Variants in LDLRAD3 observed in about 807,000 individuals in gnomAD.
LDLRAD3 encodes low density lipoprotein receptor class A domain containing 3.
LDLRAD3 carries 20 observed loss-of-function variants against 29.4 expected under a neutral mutation model. The observed-to-expected ratio is 0.68, with a 90% confidence interval of 0.48 to 0.99. The LOEUF is 0.99. Ranked by LOEUF, LDLRAD3 falls within the 50% of genes least tolerant of loss-of-function variation. The probability of loss-of-function intolerance (pLI) is 0.00; values close to 1 mark genes in which losing one functional copy is unlikely to be tolerated. For missense variants in LDLRAD3, 420 were observed against 454.3 expected, an observed-to-expected ratio of 0.92 and a Z score of 0.69; for synonymous variants, 157 against 192.7, an observed-to-expected ratio of 0.81 and a Z score of 1.53.
At chr11:36,031,712 GA>G (rs948120320) in intron 1 of LDLRAD3, among the ~76,000 whole-genome samples, 1 of 152,198 alleles carries the variant, frequency 6.6e-6, no homozygotes, top group African/African-American at 2.4e-5. Flanking sequence ...GAAAAACGGG[GA>G]CCAGCTTTAG....
chr11:36,038,971 C>CTT (rs67593168), intron 2 of LDLRAD3, among the ~76,000 whole-genome samples: 29,880 of 102,112 alleles, frequency 0.29, 3,361 homozygotes, highest in Middle Eastern at 0.41. Context: ...AAATTTCTTT[C>CTT]TTTTTTTTTT....
At chr11:36,113,012 T>C (rs968666353) in intron 4 of LDLRAD3, among the ~76,000 whole-genome samples, 1 of 152,150 alleles carries the variant, frequency 6.6e-6, no homozygotes, top group African/African-American at 2.4e-5. Flanking sequence ...AAGACCTACA[T>C]TGCATACCTC....
At chr11:36,006,680 T>C (rs1370849974) in intron 1 of LDLRAD3, among the ~76,000 whole-genome samples, 1 of 152,230 alleles carries the variant, frequency 6.6e-6, no homozygotes, top group East Asian at 1.9e-4. Flanking sequence ...TCTGTAAACT[T>C]AGCACTGGTT....
intron 2 of LDLRAD3, among the ~76,000 whole-genome samples, chr11:36,039,366 G>A (rs1157208158): frequency 6.6e-6 from 1 of 152,160 alleles, no homozygotes; most frequent in Non-Finnish European, 1.5e-5. Context: ...TTCCCCCTTA[G>A]GGGGCTGTGT....
In LDLRAD3 at chr11:36,007,977, A is replaced by G. The variant is rs11033374; in HGVS notation, c.47-28126A>G. The stretch of plus-strand genomic sequence containing the variant: ...CCCAACCCTTGTAGAAATCCCAGAC[A>G]CTCAGTTTACTCCACGTGACCTCTG... On this transcript the variant is annotated intron_variant, in intron 1 of 5. Coordinates refer to ENST00000315571, the MANE Select transcript of LDLRAD3 (RefSeq NM_174902.4). Among the ~76,000 whole-genome samples, 12 of 152,062 alleles carry G rather than the reference A, an allele frequency of 7.9e-5. No individual in the cohort carries two copies. The East Asian group carries it at 2.1e-3, about 27-fold the overall frequency.
At chr11:35,962,539 G>A (rs540028086) in intron 1 of LDLRAD3, among the ~76,000 whole-genome samples, 6 of 152,218 alleles carry the variant, frequency 3.9e-5, no homozygotes, top group East Asian at 1.9e-4. Context: ...AACAGCTTGC[G>A]TCTGGGAGGC....
At chr11:36,036,640 A>G (rs1318202314) in intron 2 of LDLRAD3, among the ~76,000 whole-genome samples, 1 of 152,176 alleles carries the variant, frequency 6.6e-6, no homozygotes, top group Non-Finnish European at 1.5e-5. Context: ...CTGACACCAG[A>G]GTCCATGCTG....
At chr11:36,030,897 A>C (rs1188578351) in intron 1 of LDLRAD3, among the ~76,000 whole-genome samples, 1 of 152,330 alleles carries the variant, frequency 6.6e-6, no homozygotes, top group African/African-American at 2.4e-5. Context: ...TCAGCTGGAA[A>C]AGTCAACATC....
At chr11:35,974,724 G>C (rs1000315317) in intron 1 of LDLRAD3, among the ~76,000 whole-genome samples, 5 of 152,190 alleles carry the variant, frequency 3.3e-5, no homozygotes, top group Non-Finnish European at 7.4e-5. Flanking sequence ...CAGCAAGAAA[G>C]AGAAGGACTC....
intron 4 of LDLRAD3, among the ~76,000 whole-genome samples, chr11:36,126,223 C>T (rs1051420450): frequency 6.6e-6 from 1 of 152,100 alleles, no homozygotes; most frequent in Non-Finnish European, 1.5e-5. Flanking sequence ...CTGCACTGCC[C>T]GCCCCCTCAT....
chr11:35,982,020 G>T (rs1046502792), intron 1 of LDLRAD3, among the ~76,000 whole-genome samples: 1 of 152,130 alleles, frequency 6.6e-6, no homozygotes, highest in African/African-American at 2.4e-5. Context: ...TTAGTCCTAC[G>T]TTCAGGGCCA....
At chr11:35,950,151 C>G (rs1851112782) in intron 1 of LDLRAD3, among the ~76,000 whole-genome samples, 1 of 151,888 alleles carries the variant, frequency 6.6e-6, no homozygotes, top group African/African-American at 2.4e-5. Context: ...TCTTCGTTAT[C>G]TGGGAAGGGT....
chr11:36,206,302 A>G (rs1042083149), intron 4 of LDLRAD3, among the ~76,000 whole-genome samples: 1 of 152,214 alleles, frequency 6.6e-6, no homozygotes, highest in Non-Finnish European at 1.5e-5. Flanking sequence ...GAATACTAAT[A>G]TATATGTGCA....
intron 4 of LDLRAD3, among the ~76,000 whole-genome samples, chr11:36,145,092 G>C (rs1454062782): frequency 2.1e-5 from 2 of 95,444 alleles, no homozygotes; most frequent in African/African-American, 9.8e-5. Flanking sequence ...CAGCCGCCCC[G>C]TCCGGGAGGG....
intron 4 of LDLRAD3, among the ~76,000 whole-genome samples, chr11:36,161,427 C>T (rs1299698379): frequency 1.3e-5 from 2 of 152,112 alleles, no homozygotes; most frequent in Non-Finnish European, 2.9e-5. Context: ...AAATAGCAGA[C>T]AGGCCATCAT....
At chr11:36,113,603 T>C (rs1853634793) in intron 4 of LDLRAD3, among the ~76,000 whole-genome samples, 1 of 152,098 alleles carries the variant, frequency 6.6e-6, no homozygotes, top group Non-Finnish European at 1.5e-5. Context: ...GGCTGATCAA[T>C]GTTTTCTTTC....
intron 1 of LDLRAD3, among the ~76,000 whole-genome samples, chr11:36,028,763 C>A (rs189395851): frequency 3.4e-4 from 52 of 151,880 alleles, no homozygotes; most frequent in Admixed American, 1.0e-3. Flanking sequence ...GTAGAATATT[C>A]TTTTCTCTCC....
In LDLRAD3 at chr11:36,213,842, G is replaced by A. The variant is rs901199100; in HGVS notation, c.455-13243G>A. Reference sequence around the variant, plus strand: ...TTCTCCCTGCCTCCCTCTCAGCAGCGTTTTCTCTTCTCTGCCATTCAGCAC... The same window carrying A: ...TTCTCCCTGCCTCCCTCTCAGCAGCATTTTCTCTTCTCTGCCATTCAGCAC... On this transcript the variant is annotated intron_variant, in intron 4 of 5. Transcript: ENST00000315571. This position sits in a 1 kb window ranked among gnomAD's most constrained non-coding sequence, Gnocchi z 4.1. 5.3e-5 allele frequency among the ~76,000 whole-genome samples: 8 copies of A among 151,968 alleles called. No homozygotes were observed. Among genetic ancestry groups the A allele is most frequent in the African/African-American group, 1.5e-4 (6 of 41,364 alleles).
chr11:35,960,320 T>C (rs1851260081), intron 1 of LDLRAD3, among the ~76,000 whole-genome samples: 1 of 152,244 alleles, frequency 6.6e-6, no homozygotes, highest in Non-Finnish European at 1.5e-5. Context: ...AGATTATTAC[T>C]ATGACTAGCC....
Sources: gnomAD v4.1 joint callset for allele counts (sites outside exome capture counted in the v4.1 genomes callset) on GRCh38, gnomAD v4.1.1 for gene constraint, Gnocchi (gnomAD v3.1) non-coding constraint, MANE v1.5 for transcripts, NCBI Gene and HGNC (gene_info 2026-07-23, HGNC 2026-07-21) for gene names.